SPECC1L: variants seen among roughly 807,000 people sequenced by gnomAD.
SPECC1L encodes cytospin-A.
In SPECC1L, 40 loss-of-function variants were observed where a neutral mutation model predicts 116.8. The ratio of observed to expected loss-of-function variants is 0.34; its 90% CI spans 0.27 to 0.45. The LOEUF (loss-of-function observed/expected upper bound fraction) is 0.45. Ranked by LOEUF, SPECC1L falls within the 20% of genes least tolerant of loss-of-function variation. The probability of loss-of-function intolerance (pLI) is 1.00; values close to 1 mark genes in which losing one functional copy is unlikely to be tolerated. For missense variants in SPECC1L, 1,110 were observed against 1,373.6 expected (o/e 0.81, Z 3.03); for synonymous variants, 504 against 500.6 (o/e 1.01, Z -0.09).
Position 24,343,456 on chromosome 22 carries a change from T to G in SPECC1L, c.2653-3630T>G, listed in dbSNP as rs200656757. 1,019 of 448,922 alleles carry G rather than the reference T, an allele frequency of 2.3e-3. 11 individuals are homozygous for G. The highest frequency in any genetic ancestry group is 0.015 in the African/African-American group (730 of 49,444). 27.8% of individuals were successfully genotyped at this position (448,922 alleles called of 1,614,324 possible). A position where few individuals can be genotyped will look rare whatever the true frequency, so the allele number is the denominator to read the frequency against. Reference sequence around the variant, plus strand: ...AAGACAACAAAATGGTTGTGTTTTTTTTTTGTTTTGTTTTGTTTTTTTGAG... The same window carrying G: ...AAGACAACAAAATGGTTGTGTTTTTGTTTTGTTTTGTTTTGTTTTTTTGAG... On this transcript the variant is annotated intron_variant, in intron 10 of 16. Transcript: ENST00000314328.
At chr22:24,329,256 C>G (rs572316256) in intron 7 of SPECC1L, among the ~76,000 whole-genome samples, 95 of 152,242 alleles carry the variant, frequency 6.2e-4, no homozygotes, top group Non-Finnish European at 1.1e-3. Context: ...GGATGCTTAG[C>G]TGTTAAGTAT....
intron 13 of SPECC1L, among the ~76,000 whole-genome samples, chr22:24,368,315 AC>A (rs2041811567): frequency 6.6e-6 from 1 of 152,202 alleles, no homozygotes; most frequent in South Asian, 2.1e-4. Flanking sequence ...TACTGCCTGC[AC>A]ATTGCCTGGC....
chr22:24,301,970 C>T (rs953838349), intron 2 of SPECC1L, among the ~76,000 whole-genome samples: 12 of 151,618 alleles, frequency 7.9e-5, no homozygotes, highest in African/African-American at 2.2e-4. Context: ...GGTGTGAACC[C>T]GGGAGGCGGA....
At chr22:24,331,044 T>C (rs769028496) in intron 8 of SPECC1L, among the ~76,000 whole-genome samples, 2 of 152,244 alleles carry the variant, frequency 1.3e-5, no homozygotes, top group Non-Finnish European at 2.9e-5. Context: ...TTTTATCTTA[T>C]AATTGCATGA....
At chr22:24,382,694 G>C (rs1323847202) in intron 14 of SPECC1L, among the ~76,000 whole-genome samples, 2 of 112,302 alleles carry the variant, frequency 1.8e-5, no homozygotes, top group Non-Finnish European at 3.4e-5. Flanking sequence ...AACAGAGCAA[G>C]ACTCCATCTC....
At chr22:24,317,758 T>A (rs1331096979) in intron 4 of SPECC1L, among the ~76,000 whole-genome samples, 1 of 147,402 alleles carries the variant, frequency 6.8e-6, no homozygotes, top group Non-Finnish European at 1.5e-5. Context: ...GCTCCTCACT[T>A]CTCAGACGGG....
At chr22:24,399,413 A>T (rs2146770652) in intron 14 of SPECC1L, among the ~76,000 whole-genome samples, 1 of 152,248 alleles carries the variant, frequency 6.6e-6, no homozygotes, top group South Asian at 2.1e-4. Flanking sequence ...TACTAAAAAT[A>T]CAAAAAATTA....
At chr22:24,374,192 A>G (rs549656121) in intron 14 of SPECC1L, among the ~76,000 whole-genome samples, 16 of 152,208 alleles carry the variant, frequency 1.1e-4, no homozygotes, top group African/African-American at 3.9e-4. Context: ...AACTAGTTCA[A>G]CCATTGTGAA....
At chr22:24,412,513 C>A in intron 15 of SPECC1L, 135 bp from the exon 16 acceptor site, 1 of 813,126 alleles carries the variant, frequency 1.2e-6, no homozygotes. Context: ...CTCAGGCTCC[C>A]AGCATAGGTT....
chr22:24,318,433 A>G (rs1233145495), intron 4 of SPECC1L, among the ~76,000 whole-genome samples: 2 of 152,200 alleles, frequency 1.3e-5, no homozygotes, highest in Non-Finnish European at 2.9e-5. Context: ...AGGCAGGAGA[A>G]TCAGGCAGGG....
intron 11 of SPECC1L, among the ~76,000 whole-genome samples, chr22:24,362,618 T>C (rs778153990): frequency 5.3e-5 from 8 of 152,206 alleles, no homozygotes; most frequent in Non-Finnish European, 8.8e-5. Context: ...GTTTTCCACA[T>C]ACCCCATGTT....
intron 14 of SPECC1L, among the ~76,000 whole-genome samples, chr22:24,406,077 T>A (rs1050432782): frequency 2.0e-5 from 3 of 152,110 alleles, no homozygotes; most frequent in African/African-American, 7.2e-5. Flanking sequence ...GCCAAGAACA[T>A]CCAGGGTGAT....
chr22:24,340,561 C>T, intron 10 of SPECC1L, among the ~76,000 whole-genome samples: 1 of 152,058 alleles, frequency 6.6e-6, no homozygotes, highest in East Asian at 1.9e-4. Context: ...ATAAGATGAA[C>T]TTTAAGTGGT....
In SPECC1L at chr22:24,284,309, G is replaced by C. The variant is rs527975523; in HGVS notation, c.-38+7506G>C. On this transcript the variant is annotated intron_variant, in intron 2 of 16. Transcript: ENST00000314328. ...TCATTTTAAGTTCAAAACACATTCT[G>C]ATTTCCCTTTTGGTTTCTTCTTTAG... is the stretch of plus-strand genomic sequence containing the variant. 5.3e-5 allele frequency among the ~76,000 whole-genome samples: 8 copies of C among 152,228 alleles called. No homozygotes were observed. In the South Asian group the frequency reaches 8.3e-4, roughly 16 times the overall value.
At chr22:24,404,499 G>A (rs1231431692) in intron 14 of SPECC1L, among the ~76,000 whole-genome samples, 1 of 152,118 alleles carries the variant, frequency 6.6e-6, no homozygotes, top group Non-Finnish European at 1.5e-5. Flanking sequence ...AGAAGCCAAG[G>A]CCCATCCGGA....
chr22:24,416,928 GTGCAGAGC>G lies in SPECC1L; in HGVS notation c.*2310_*2317del, dbSNP rs1156846315. ...GGGCCCCTCCTTGGGGAAGGTTTGC[GTGCAGAGC>G]TGCAAGGGAGAGGGTTCCAGAAGCA... On this transcript the variant is annotated 3_prime_UTR_variant, in exon 17 of 17. Coordinates refer to ENST00000314328, the MANE Select transcript of SPECC1L (RefSeq NM_015330.6). The G allele has an allele frequency of 2.0e-5, 3 of 152,360 alleles. No homozygotes were observed. Among genetic ancestry groups the G allele is most frequent in the Non-Finnish European group, 2.9e-5 (2 of 68,144 alleles). The allele number at this position is 152,360 out of a possible 1,614,324, so 9.4% of individuals were successfully genotyped here.
At chr22:24,321,163 G>A in intron 4 of SPECC1L, 125 bp from the exon 5 acceptor site, 2 of 1,072,984 alleles carry the variant, frequency 1.9e-6, no homozygotes, top group South Asian at 2.6e-5. Flanking sequence ...CAAGATTATT[G>A]TAGATCTAAA....
At chr22:24,400,674 G>A (rs371392729) in intron 14 of SPECC1L, among the ~76,000 whole-genome samples, 4 of 152,192 alleles carry the variant, frequency 2.6e-5, no homozygotes, top group East Asian at 1.9e-4. Flanking sequence ...ATCATTTGCC[G>A]TTCCCACCAG....
Position 24,321,547 on chromosome 22 carries a change from C to G in SPECC1L, c.567C>G (p.Leu189=). The change falls in exon 5 of 17, where the codon CTC becomes CTG. Residue 189 remains leucine (L), a synonymous_variant. Transcript: ENST00000314328. ...AALEAKVKDL[L]TLAKTKDVEI... ...TGGAGGCCAAAGTGAAGGATCTTCT[C>G]ACGCTGGCAAAAACCAAAGACGTAG... 1 of 1,614,188 alleles carries G rather than the reference C, an allele frequency of 6.2e-7. No individual in the cohort carries two copies. The highest frequency in any genetic ancestry group is 8.5e-7 in the Non-Finnish European group (1 of 1,180,038).
Sources: gnomAD v4.1 joint callset for allele counts (sites outside exome capture counted in the v4.1 genomes callset) on GRCh38, gnomAD v4.1.1 for gene constraint, MANE v1.5 for transcripts, NCBI Gene and HGNC (gene_info 2026-07-23, HGNC 2026-07-21) for gene names.